Variants in FBLN5 observed in about 807,000 individuals in gnomAD.
The protein encoded by FBLN5 is fibulin-5.
In FBLN5, 24 loss-of-function variants were observed where a neutral mutation model predicts 61.6. That is an observed-to-expected ratio of 0.39 (90% CI 0.28 to 0.55). The LOEUF is 0.55. FBLN5 is among the 20% of genes least tolerant of loss of function. The probability of loss-of-function intolerance (pLI) is 0.65; values close to 1 mark genes in which losing one functional copy is unlikely to be tolerated. For missense variants in FBLN5, 470 were observed against 594.1 expected (o/e 0.79, Z 2.17); for synonymous variants, 213 against 219.8 (o/e 0.97, Z 0.27).
chr14:91,940,951 T>A (rs1459192414), intron 2 of FBLN5, among the ~76,000 whole-genome samples: 4 of 145,320 alleles, frequency 2.8e-5, no homozygotes, highest in African/African-American at 1.1e-4. Flanking sequence ...AAACTTTATT[T>A]AAAAAAAAAC....
At chr14:91,915,655 C>A (rs1209401165) in intron 4 of FBLN5, among the ~76,000 whole-genome samples, 1 of 139,750 alleles carries the variant, frequency 7.2e-6, no homozygotes, top group African/African-American at 2.7e-5. Flanking sequence ...CCACTGCACT[C>A]CAGCCTGGGC....
Position 91,870,008 on chromosome 14 carries a change from A to G in FBLN5, c.*216T>C. Reference sequence around the variant, plus strand: ...AGGGGAGCAATGATAATACTTTTTGATAACTGTGTCATAGGAACTGGGGGT... The same window carrying G: ...AGGGGAGCAATGATAATACTTTTTGGTAACTGTGTCATAGGAACTGGGGGT... On this transcript the variant is annotated 3_prime_UTR_variant, in exon 11 of 11. Transcript: ENST00000342058. The G allele has an allele frequency of 1.7e-6, 1 of 588,514 alleles. No individual in the cohort carries two copies. Among genetic ancestry groups the G allele is most frequent in the Non-Finnish European group, 3.1e-6 (1 of 326,298 alleles). 36.5% of individuals were successfully genotyped at this position (588,514 alleles called of 1,614,324 possible). A position where few individuals can be genotyped will look rare whatever the true frequency, so the allele number is the denominator to read the frequency against.
At chr14:91,925,126 A>G (rs1383378003) in intron 4 of FBLN5, among the ~76,000 whole-genome samples, 1 of 135,860 alleles carries the variant, frequency 7.4e-6, no homozygotes, top group Non-Finnish European at 1.7e-5. Context: ...TGTAGAGCTC[A>G]TAAATCAACT....
At chr14:91,940,840 C>T (rs2056093982) in intron 2 of FBLN5, among the ~76,000 whole-genome samples, 1 of 152,134 alleles carries the variant, frequency 6.6e-6, no homozygotes, top group Non-Finnish European at 1.5e-5. Context: ...CGCAGTGGCT[C>T]ATGCATGTAA....
chr14:91,889,648 A>G (rs973818786), intron 6 of FBLN5, among the ~76,000 whole-genome samples: 2 of 152,216 alleles, frequency 1.3e-5, no homozygotes, highest in African/African-American at 4.8e-5. Flanking sequence ...CAGACGTGAC[A>G]ATGCTCTAGC....
At chr14:91,880,178 GTCCAGCACCTCAATACTCAACTC>G (rs1566800456) in intron 9 of FBLN5, among the ~76,000 whole-genome samples, 6 of 151,708 alleles carry the variant, frequency 4.0e-5, no homozygotes, top group Admixed American at 3.3e-4. Flanking sequence ...ATACTCAACT[GTCCAGCACCTCAATACTCAACTC>G]TCCAGCACCT....
intron 4 of FBLN5, among the ~76,000 whole-genome samples, chr14:91,935,876 T>C (rs988389275): frequency 3.3e-5 from 5 of 152,082 alleles, no homozygotes; most frequent in Non-Finnish European, 7.4e-5. Flanking sequence ...TCTCACTCTT[T>C]CTCTCTCCCC....
At chr14:91,892,610 T>C (rs1861084) in intron 5 of FBLN5, among the ~76,000 whole-genome samples, 44,772 of 152,166 alleles carry the variant, frequency 0.29, 6,817 homozygotes, top group African/African-American at 0.35. Flanking sequence ...AGCTCTTGCA[T>C]AGAGGGCCCA....
In FBLN5 at chr14:91,883,051, C is replaced by T; in HGVS notation, c.765G>A (p.Glu255=). The change falls in exon 8 of 11, where the codon GAG becomes GAA. Residue 255 remains glutamate (E), a synonymous_variant. Transcript: ENST00000342058. ...TCACACACTCATGTTGGCAGAGGAA[C>T]TCAGAGAAGCTGCACTCGTCCATAT... ...CSDMDECSFS[E]FLCQHECVNQ... is the part of the protein sequence containing the mutation. The T allele has an allele frequency of 6.2e-7, 1 of 1,614,078 alleles. No homozygotes were observed. The highest frequency in any genetic ancestry group is 1.3e-5 in the African/African-American group (1 of 75,058).
intron 4 of FBLN5, among the ~76,000 whole-genome samples, chr14:91,896,068 G>A (rs912111858): frequency 6.6e-6 from 1 of 152,020 alleles, no homozygotes; most frequent in Non-Finnish European, 1.5e-5. Flanking sequence ...CACAGATATC[G>A]AGCCATATTC....
Position 91,883,075 on chromosome 14 carries a change from A to T in FBLN5, c.741T>A (p.Asp247Glu), listed in dbSNP as rs1170123377. Residue 247 changes from aspartate (D) to glutamate (E), a missense_variant and splice_region_variant, in exon 8 of 11, where the codon GAT (aspartate) becomes GAA (glutamate). Asp to Glu is a conservative substitution (Grantham distance 45). Coordinates refer to ENST00000342058, the MANE Select transcript of FBLN5 (RefSeq NM_006329.4). Reference protein sequence around the residue: ...ELEEDGVHCSDMDECSFSEFL... With the variant: ...ELEEDGVHCSEMDECSFSEFL... ...ACTCAGAGAAGCTGCACTCGTCCAT[A>T]TCTGGGGTGACAAGTCACACCTGCT... is the stretch of plus-strand genomic sequence containing the variant. 6.2e-7 allele frequency: 1 copy of T among 1,613,752 alleles called. No homozygotes were observed. The highest frequency in any genetic ancestry group is 1.7e-4 in the Middle Eastern group (1 of 6,060).
At chr14:91,918,586 G>T (rs980350681) in intron 4 of FBLN5, among the ~76,000 whole-genome samples, 3 of 152,216 alleles carry the variant, frequency 2.0e-5, no homozygotes, top group African/African-American at 4.8e-5. Context: ...GCCAAACAAG[G>T]ATGGAAGGAT....
chr14:91,932,421 A>G (rs769800548), intron 4 of FBLN5, among the ~76,000 whole-genome samples: 1 of 152,216 alleles, frequency 6.6e-6, no homozygotes, highest in Non-Finnish European at 1.5e-5. Context: ...CTGGCCACCC[A>G]GGTGCTGAGC....
rs779928382 is a variant in FBLN5 at position 91,943,901 on chromosome 14, C to G, written c.18-940G>C. On this transcript the variant is annotated intron_variant, in intron 1 of 10. Coordinates refer to ENST00000342058, the MANE Select transcript of FBLN5 (RefSeq NM_006329.4). The surrounding 1 kb of genome is among the most constrained non-coding windows in gnomAD (Gnocchi z 4.0). ...AGGGAAAATGAAACCCGCGGGAAAA[C>G]AGGAGGAGGAGTCACGCACCCTGGG... Among the ~76,000 whole-genome samples, 1 of 152,178 alleles carries G rather than the reference C, an allele frequency of 6.6e-6. No individual in the cohort carries two copies. The highest frequency in any genetic ancestry group is 2.4e-5 in the African/African-American group (1 of 41,454).
At chr14:91,902,367 T>C (rs1890496459) in intron 4 of FBLN5, among the ~76,000 whole-genome samples, 1 of 151,726 alleles carries the variant, frequency 6.6e-6, no homozygotes, top group Admixed American at 6.6e-5. Flanking sequence ...TCAAACTAGA[T>C]TTCCATTTAC....
At chr14:91,928,579 C>G (rs1248336431) in intron 4 of FBLN5, among the ~76,000 whole-genome samples, 1 of 150,900 alleles carries the variant, frequency 6.6e-6, no homozygotes, top group East Asian at 2.0e-4. Context: ...AGAGACTAGC[C>G]TGGACAACAT....
chr14:91,932,712 G>A (rs1448861351), intron 4 of FBLN5, among the ~76,000 whole-genome samples: 4 of 152,190 alleles, frequency 2.6e-5, no homozygotes, highest in African/African-American at 9.7e-5. Context: ...AAATATAGGG[G>A]ACGAAGGAAT....
chr14:91,881,484 G>T, intron 8 of FBLN5, 66 bp from the exon 9 acceptor site: 2 of 1,579,602 alleles, frequency 1.3e-6, no homozygotes, highest in South Asian at 1.1e-5. Context: ...GCGTGGGGGT[G>T]GGGTAGGCTG....
chr14:91,894,196 C>T (rs1400090403), intron 5 of FBLN5, among the ~76,000 whole-genome samples: 8 of 151,340 alleles, frequency 5.3e-5, no homozygotes, highest in African/African-American at 9.7e-5. Context: ...CCCAGGAGTT[C>T]GAGACCAGCC....
Sources: allele counts gnomAD v4.1 joint callset (sites outside exome capture counted in the v4.1 genomes callset), GRCh38; gene constraint gnomAD v4.1.1; non-coding constraint Gnocchi (gnomAD v3.1); transcripts MANE v1.5; gene names NCBI Gene and HGNC (gene_info 2026-07-23, HGNC 2026-07-21).